The following CCDC196 variants were observed in gnomAD, a reference collection of about 807,000 sequenced individuals.
The protein encoded by CCDC196 is coiled-coil domain containing 196, also known as coiled-coil domain-containing protein 196.
chr14:66,487,711 G>A (rs1270659118), intron 2 of CCDC196, among the ~76,000 whole-genome samples: 2 of 152,182 alleles, frequency 1.3e-5, no homozygotes, highest in Non-Finnish European at 2.9e-5. Context: ...AGACTCAAAT[G>A]TCCTCATAGG....
chr14:66,497,297 G>A (rs1413332625), intron 8 of CCDC196, among the ~76,000 whole-genome samples: 1 of 151,966 alleles, frequency 6.6e-6, no homozygotes, highest in African/African-American at 2.4e-5. Context: ...AGAAATTCAG[G>A]GGGAGAATAA....
Position 66,498,018 on chromosome 14 carries a change from C to G in CCDC196, c.716-91C>G, listed in dbSNP as rs112394615. On this transcript the variant is annotated intron_variant, in intron 8 of 9. Coordinates refer to ENST00000636229, the MANE Select transcript of CCDC196 (RefSeq NM_001351576.1). ...CAGAAAATTCACATCAATGCTAATACCCACAGTGATACAAAACAAAACAAA... is the reference window on the plus strand; with the variant it reads ...CAGAAAATTCACATCAATGCTAATAGCCACAGTGATACAAAACAAAACAAA... The G allele has an allele frequency of 3.3e-4, 133 of 405,126 alleles. 1 individual carries two copies. Among genetic ancestry groups the G allele is most frequent in the African/African-American group, 2.5e-3 (119 of 48,122 alleles). 25.1% of individuals were successfully genotyped at this position (405,126 alleles called of 1,614,324 possible).
intron 8 of CCDC196, chr14:66,496,962 T>A (rs976357586): frequency 6.6e-6 from 1 of 152,286 alleles, no homozygotes; most frequent in African/African-American, 2.4e-5. Flanking sequence ...TAACTCCTTC[T>A]GTTCTGAAAG....
intron 8 of CCDC196, among the ~76,000 whole-genome samples, chr14:66,496,497 T>C (rs1012740916): frequency 1.3e-5 from 2 of 152,256 alleles, no homozygotes; most frequent in African/African-American, 4.8e-5. Flanking sequence ...ATACCTACGA[T>C]GAAGTCTTTA....
intron 8 of CCDC196, among the ~76,000 whole-genome samples, chr14:66,493,338 T>C (rs1405964870): frequency 1.3e-5 from 2 of 152,212 alleles, no homozygotes; most frequent in South Asian, 2.1e-4. Context: ...AATTTGGTTC[T>C]GAATTTTCCA....
rs1291057366 is a variant in CCDC196, at chr14:66,491,653, G to A, written c.541G>A (p.Val181Ile). The change falls in exon 7 of 10, where the codon GTC (valine) becomes ATC (isoleucine). Residue 181 changes from valine to isoleucine, a missense_variant. Physicochemically the swap from Val to Ile is conservative, Grantham distance 29. Transcript: ENST00000636229. The part of the protein sequence containing the change: ...KEKQQRKMEW[V>I]KYQEQNNILQ... ...AAAGCAACAGAGGAAAATGGAATGG[G>A]TCAAGTATCAGGAACAAAATAACAT... 2.4e-6 allele frequency: 1 copy of A among 413,818 alleles called. No individual in the cohort carries two copies. The highest frequency in any genetic ancestry group is 4.4e-5 in the Admixed American group (1 of 22,710). 25.6% of individuals were successfully genotyped at this position (413,818 alleles called of 1,614,324 possible).
rs925472011 is a variant in CCDC196 at position 66,486,924 on chromosome 14, C to A, written c.203+115C>A. ...TTTTGTTAATTACTAAAGGTTTGGA[C>A]ATTCAGCTGTAGCAGGCAAACAATT... On this transcript the variant is annotated intron_variant, in intron 2 of 9. Coordinates refer to ENST00000636229, the MANE Select transcript of CCDC196 (RefSeq NM_001351576.1). 1.2e-5 allele frequency: 5 copies of A among 403,938 alleles called. No individual in the cohort carries two copies. The Admixed American group carries it at 1.3e-4, about 11-fold the overall frequency. The allele number at this position is 403,938 out of a possible 1,614,324, so 25.0% of individuals were successfully genotyped here.
intron 2 of CCDC196, among the ~76,000 whole-genome samples, chr14:66,487,417 A>T (rs2139574164): frequency 6.6e-6 from 1 of 152,298 alleles, no homozygotes; most frequent in South Asian, 2.1e-4. Flanking sequence ...GCAGGCAGAA[A>T]GTTGTGGTCA....
chr14:66,497,403 T>C (rs1015482022), intron 8 of CCDC196, among the ~76,000 whole-genome samples: 2 of 152,148 alleles, frequency 1.3e-5, no homozygotes, highest in Admixed American at 1.3e-4. Context: ...ATTCCATAAT[T>C]TGTGGGCATC....
chr14:66,487,630 A>C (rs1051834378), intron 2 of CCDC196, among the ~76,000 whole-genome samples: 1 of 152,220 alleles, frequency 6.6e-6, no homozygotes, highest in Non-Finnish European at 1.5e-5. Context: ...ATTTTGATTT[A>C]GATTTTGTTA....
intron 2 of CCDC196, among the ~76,000 whole-genome samples, chr14:66,487,155 CT>C (rs2139572837): frequency 6.6e-6 from 1 of 152,210 alleles, no homozygotes; most frequent in Non-Finnish European, 1.5e-5. Context: ...ATAAATAACT[CT>C]GCTCTTTCTA....
intron 8 of CCDC196, among the ~76,000 whole-genome samples, chr14:66,492,500 C>A (rs1185791899): frequency 6.6e-6 from 1 of 151,984 alleles, no homozygotes; most frequent in Non-Finnish European, 1.5e-5. Context: ...CACCACCATG[C>A]CCAGCTAATT....
chr14:66,487,595 G>A (rs1207844481), intron 2 of CCDC196, among the ~76,000 whole-genome samples: 2 of 152,150 alleles, frequency 1.3e-5, no homozygotes, highest in African/African-American at 4.8e-5. Context: ...TGCCTTTAAG[G>A]AATATCCTCT....
At chr14:66,493,361 A>G (rs1291227088) in intron 8 of CCDC196, among the ~76,000 whole-genome samples, 1 of 152,192 alleles carries the variant, frequency 6.6e-6, no homozygotes, top group East Asian at 1.9e-4. Flanking sequence ...AAAAAGAAAC[A>G]TGGATTTATG....
chr14:66,492,550 C>T (rs573832385), intron 8 of CCDC196, among the ~76,000 whole-genome samples: 3 of 152,100 alleles, frequency 2.0e-5, no homozygotes, highest in African/African-American at 4.8e-5. Context: ...CCATGTTGGC[C>T]AGGCTGGTCT....
At chr14:66,497,986 A>T (rs2057706312) in intron 8 of CCDC196, 123 bp from the exon 9 acceptor site, 1 of 401,250 alleles carries the variant, frequency 2.5e-6, no homozygotes, top group Non-Finnish European at 4.6e-6. Flanking sequence ...TTCTAAAAAA[A>T]AAAAATCAGA....
intron 6 of CCDC196, 110 bp from the exon 7 acceptor site, chr14:66,491,516 T>C (rs2057535002): frequency 2.4e-6 from 1 of 411,806 alleles, no homozygotes; most frequent in African/African-American, 2.1e-5. Flanking sequence ...GTCAATTTAA[T>C]AGTAAATCTG....
At chr14:66,495,065 C>T (rs987686797) in intron 8 of CCDC196, among the ~76,000 whole-genome samples, 2 of 151,584 alleles carry the variant, frequency 1.3e-5, no homozygotes, top group Non-Finnish European at 2.9e-5. Context: ...TTAAAGAAAG[C>T]CAGCACCAAA....
intron 8 of CCDC196, chr14:66,496,367 A>G (rs542334128): frequency 2.2e-6 from 1 of 456,202 alleles, no homozygotes; most frequent in South Asian, 1.5e-5. Flanking sequence ...TCCTGTGTTA[A>G]TATTACTGAT....
Sources: gnomAD v4.1 joint callset for allele counts (sites outside exome capture counted in the v4.1 genomes callset) on GRCh38, gnomAD v4.1.1 for gene constraint, MANE v1.5 for transcripts, NCBI Gene and HGNC (gene_info 2026-07-23, HGNC 2026-07-21) for gene names.